MMD2: variants seen among roughly 807,000 people sequenced by gnomAD.
The protein encoded by MMD2 is monocyte to macrophage differentiation associated 2.
A neutral mutation model predicts 33.5 loss-of-function variants in MMD2; 30 were observed. The ratio of observed to expected loss-of-function variants is 0.90; its 90% CI spans 0.67 to 1.22. The LOEUF is 1.22. Among genes scored for constraint, MMD2 ranks in the 50% most tolerant of loss-of-function variants. The pLI, the probability that MMD2 is intolerant of heterozygous loss-of-function variation, is 0.00. For synonymous variants in MMD2, 129 were observed against 123.0 expected, an observed-to-expected ratio of 1.05 and a Z score of -0.32; for missense variants, 364 against 325.4, an observed-to-expected ratio of 1.12 and a Z score of -0.91.
intron 2 of MMD2, among the ~76,000 whole-genome samples, chr7:4,922,097 G>A (rs1785301730): frequency 6.6e-6 from 1 of 151,986 alleles, no homozygotes; most frequent in East Asian, 1.9e-4. Flanking sequence ...ATGGTGGCAT[G>A]CGTCTGTAAT....
At chr7:4,920,415 C>G in intron 2 of MMD2, 84 bp from the exon 3 acceptor site, 1 of 1,433,282 alleles carries the variant, frequency 7.0e-7, no homozygotes, top group East Asian at 2.5e-5. Context: ...GCTGAGCTGC[C>G]CAACGTGGCA....
At chr7:4,897,176 C>G in the MMD2 span, among the ~76,000 whole-genome samples, 1 of 143,030 alleles carries the variant, frequency 7.0e-6, no homozygotes, top group East Asian at 2.1e-4. Flanking sequence ...ATCCCATTTT[C>G]TACAGTGAAC....
At chr7:4,911,738 AC>A (rs1347367098) in intron 4 of MMD2, among the ~76,000 whole-genome samples, 1 of 151,140 alleles carries the variant, frequency 6.6e-6, no homozygotes, top group African/African-American at 2.4e-5. Context: ...AACCTCCGCC[AC>A]CCGGGTTCAA....
chr7:4,896,948 C>T, the MMD2 span, among the ~76,000 whole-genome samples: 1,281 of 152,142 alleles, frequency 8.4e-3, 14 homozygotes, highest in African/African-American at 0.029. Context: ...CAACCTCCAC[C>T]TCCCGGGTTC....
the MMD2 span, among the ~76,000 whole-genome samples, chr7:4,896,371 T>C: frequency 6.6e-6 from 1 of 152,250 alleles, no homozygotes; most frequent in African/African-American, 2.4e-5. Flanking sequence ...TCCCAGTTAC[T>C]TGGGAGGCTG....
chr7:4,912,369 T>C (rs1466408822), intron 4 of MMD2, among the ~76,000 whole-genome samples: 1 of 151,698 alleles, frequency 6.6e-6, no homozygotes, highest in Non-Finnish European at 1.5e-5. Context: ...CCATCCTGGC[T>C]AACATGGTGA....
chr7:4,904,004 C>G (rs547151879), downstream of MMD2, among the ~76,000 whole-genome samples: 8 of 152,284 alleles, frequency 5.3e-5, no homozygotes, highest in African/African-American at 1.9e-4. Flanking sequence ...GCAATCTTGG[C>G]TCACTACAAC....
intron 2 of MMD2, among the ~76,000 whole-genome samples, chr7:4,922,804 A>C (rs1251518712): frequency 6.6e-6 from 1 of 152,096 alleles, no homozygotes; most frequent in Non-Finnish European, 1.5e-5. Context: ...TCTCTCACTC[A>C]TTCATTCATT....
intron 1 of MMD2, among the ~76,000 whole-genome samples, chr7:4,939,077 G>C (rs368258931): frequency 3.3e-5 from 5 of 152,030 alleles, no homozygotes; most frequent in African/African-American, 1.2e-4. Context: ...GAGCATGGTG[G>C]TGTAATCCCA....
chr7:4,892,527 G>T, the MMD2 span, among the ~76,000 whole-genome samples: 1 of 151,528 alleles, frequency 6.6e-6, no homozygotes, highest in African/African-American at 2.4e-5. Flanking sequence ...GACAGAGGAT[G>T]CAGTGAGCCG....
chr7:4,915,882 G>C, intron 4 of MMD2, 123 bp downstream of exon 4: 1 of 905,448 alleles, frequency 1.1e-6, no homozygotes, highest in Non-Finnish European at 1.7e-6. Context: ...AAGGGTGGCG[G>C]GAAGCTTTTA....
In MMD2 at chr7:4,907,463, G is replaced by C; in HGVS notation, c.674C>G (p.Thr225Ser). 1 of 1,614,002 alleles carries C rather than the reference G, an allele frequency of 6.2e-7. No individual in the cohort carries two copies. The change falls in exon 7 of 7, where the codon ACC becomes AGC. Residue 225 changes from threonine to serine, a missense_variant. Thr to Ser is a moderately conservative substitution (Grantham distance 58, BLOSUM62 1). Coordinates refer to ENST00000401401, the MANE Select transcript of MMD2 (RefSeq NM_198403.4). ...WHLFVAFGAG[T>S]HYYAIWRYLY... ...GTACCTCCAGATGGCATAGTAGTGG[G>C]TACCAGCACCAAATGCTACAAAGAG...
At chr7:4,921,320 G>A (rs939604657) in intron 2 of MMD2, among the ~76,000 whole-genome samples, 1 of 152,084 alleles carries the variant, frequency 6.6e-6, no homozygotes, top group South Asian at 2.1e-4. Flanking sequence ...CTTGTAAACA[G>A]GTTTAAATAG....
intron 1 of MMD2, among the ~76,000 whole-genome samples, chr7:4,948,538 A>G (rs1379958593): frequency 1.3e-5 from 2 of 151,756 alleles, no homozygotes; most frequent in Non-Finnish European, 2.9e-5. Context: ...AAAAAAAAAA[A>G]AAGAAATCCA....
At chr7:4,909,277 A>T (rs1446129332) in intron 6 of MMD2, among the ~76,000 whole-genome samples, 1 of 151,182 alleles carries the variant, frequency 6.6e-6, no homozygotes, top group Admixed American at 6.6e-5. Context: ...AGCCCAGGAG[A>T]TCGAGACCAG....
intron 6 of MMD2, among the ~76,000 whole-genome samples, 196 bp from the exon 7 acceptor site, chr7:4,907,795 T>G (rs904186093): frequency 6.6e-6 from 1 of 152,144 alleles, no homozygotes; most frequent in African/African-American, 2.4e-5. Flanking sequence ...CATTCTCATT[T>G]CTATTAAAAC....
rs372638422 is a variant in MMD2, at chr7:4,906,712, T to G, written c.*684A>C. On this transcript the variant is annotated 3_prime_UTR_variant, in exon 7 of 7. Coordinates refer to ENST00000401401, the MANE Select transcript of MMD2 (RefSeq NM_198403.4). ...CAAAAGGGAGGGGGAGATGAGGAGA[T>G]AGGCATGCAAATGCCCATTTGGAGA... is the stretch of plus-strand genomic sequence containing the variant. 349 of 396,260 alleles carry G rather than the reference T, an allele frequency of 8.8e-4. No homozygotes were observed. Among genetic ancestry groups the G allele is most frequent in the African/African-American group, 5.5e-3 (269 of 48,722 alleles). 24.5% of individuals were successfully genotyped at this position (396,260 alleles called of 1,614,324 possible).
intron 2 of MMD2, among the ~76,000 whole-genome samples, chr7:4,922,037 CCAA>C (rs1251734122): frequency 6.6e-6 from 1 of 151,680 alleles, no homozygotes; most frequent in Non-Finnish European, 1.5e-5. Flanking sequence ...ACCAGCCTGG[CCAA>C]CATGGTAAAA....
intron 6 of MMD2, among the ~76,000 whole-genome samples, chr7:4,909,070 T>G (rs114607396): frequency 0.018 from 2,769 of 151,924 alleles, 114 homozygotes; most frequent in African/African-American, 0.064. Context: ...CAAAAAAAAG[T>G]AGAGAAAATA....
Sources: gnomAD v4.1 joint callset for allele counts (sites outside exome capture counted in the v4.1 genomes callset) on GRCh38, gnomAD v4.1.1 for gene constraint, MANE v1.5 for transcripts, NCBI Gene and HGNC (gene_info 2026-07-23, HGNC 2026-07-21) for gene names.